Variants in SLC17A1 observed in about 807,000 individuals in gnomAD.
The protein encoded by SLC17A1 is sodium-dependent phosphate transport protein 1.
A neutral mutation model predicts 53.5 loss-of-function variants in SLC17A1; 51 were observed. That is an observed-to-expected ratio of 0.95 (90% CI 0.76 to 1.20). The LOEUF (loss-of-function observed/expected upper bound fraction) is 1.20, where lower values mean the gene tolerates loss of function less well. Ranked by LOEUF, SLC17A1 falls within the 50% of genes most tolerant of loss-of-function variation. SLC17A1 has a pLI of 0.00. For synonymous variants in SLC17A1, 179 were observed against 198.8 expected, an observed-to-expected ratio of 0.90 and a Z score of 0.84; for missense variants, 538 against 568.2, an observed-to-expected ratio of 0.95 and a Z score of 0.54.
At chr6:25,744,552 GTTAAA>G in the SLC17A1 span, among the ~76,000 whole-genome samples, 1 of 152,108 alleles carries the variant, frequency 6.6e-6, no homozygotes, top group African/African-American at 2.4e-5. Flanking sequence ...TAAAATTACA[GTTAAA>G]TTAAATTTAG....
chr6:25,723,781 C>T, the SLC17A1 span, among the ~76,000 whole-genome samples: 279 of 152,138 alleles, frequency 1.8e-3, 1 homozygote, highest in Non-Finnish European at 3.1e-3. Context: ...CTCGTCTGTG[C>T]GACAGAGGAA....
the SLC17A1 span, among the ~76,000 whole-genome samples, chr6:25,736,935 A>C: frequency 6.6e-6 from 1 of 152,188 alleles, no homozygotes; most frequent in East Asian, 1.9e-4. Context: ...AACCAACTTC[A>C]TCTTGCTAGA....
intron 10 of SLC17A1, among the ~76,000 whole-genome samples, chr6:25,805,273 G>A (rs1411795973): frequency 1.3e-5 from 2 of 151,876 alleles, no homozygotes; most frequent in African/African-American, 4.8e-5. Flanking sequence ...CCAAATACAT[G>A]GAAATTAATC....
At chr6:25,800,041 G>A (rs1464592695) in intron 11 of SLC17A1, among the ~76,000 whole-genome samples, 1 of 152,068 alleles carries the variant, frequency 6.6e-6, no homozygotes, top group East Asian at 1.9e-4. Flanking sequence ...GGGATAAGGA[G>A]CATTTGGAGG....
chr6:25,728,052 C>T, the SLC17A1 span, among the ~76,000 whole-genome samples: 1 of 152,096 alleles, frequency 6.6e-6, no homozygotes, highest in Non-Finnish European at 1.5e-5. Context: ...ATAAAAGCTA[C>T]ATGCTGATAC....
At chr6:25,755,523 A>C in the SLC17A1 span, among the ~76,000 whole-genome samples, 1 of 151,802 alleles carries the variant, frequency 6.6e-6, no homozygotes, top group Non-Finnish European at 1.5e-5. Context: ...TAGCAGAGGA[A>C]CAGGGTGCAT....
chr6:25,779,341 G>GCAT, downstream of SLC17A1: 1 of 1,053,374 alleles, frequency 9.5e-7, no homozygotes, highest in Non-Finnish European at 1.3e-6. Context: ...AATTTTACAG[G>GCAT]GGAAGAAAAC....
chr6:25,826,002 T>C (rs1383060290), intron 3 of SLC17A1, among the ~76,000 whole-genome samples: 1 of 152,100 alleles, frequency 6.6e-6, no homozygotes, highest in Non-Finnish European at 1.5e-5. Context: ...ATAGTTTCCA[T>C]CTCTTTACTG....
chr6:25,797,256 C>T (rs896169446), intron 12 of SLC17A1, among the ~76,000 whole-genome samples: 3 of 152,200 alleles, frequency 2.0e-5, no homozygotes, highest in Non-Finnish European at 4.4e-5. Context: ...TTTCCTCAGC[C>T]TGTATTCTCT....
chr6:25,820,278 C>T (rs1764508280), intron 3 of SLC17A1, among the ~76,000 whole-genome samples: 1 of 152,196 alleles, frequency 6.6e-6, no homozygotes, highest in Non-Finnish European at 1.5e-5. Context: ...CATAGTACTA[C>T]TCATACTGCA....
At chr6:25,813,061 C>T (rs1460265106) in intron 7 of SLC17A1, 34 bp downstream of exon 7, 1 of 1,611,404 alleles carries the variant, frequency 6.2e-7, no homozygotes, top group Admixed American at 1.7e-5. Context: ...GGAGTAGAAT[C>T]TGGGAGATGC....
At chr6:25,727,396 AG>A in the SLC17A1 span, 7 of 933,544 alleles carry the variant, frequency 7.5e-6, no homozygotes, top group South Asian at 2.2e-5. Flanking sequence ...TCTAACCGTA[AG>A]GGTTTTTTTT....
At chr6:25,766,134 T>C in the SLC17A1 span, among the ~76,000 whole-genome samples, 1 of 150,464 alleles carries the variant, frequency 6.6e-6, no homozygotes, top group Non-Finnish European at 1.5e-5. Flanking sequence ...TAAAATATAA[T>C]TGAATTATAA....
In SLC17A1 at chr6:25,813,520, A is replaced by G. The variant is rs577250366; in HGVS notation, c.617-307T>C. Reference sequence around the variant, plus strand: ...TCCTCATGTGTTCCACCATAAGAGGATGGCACAGCTGAGCCTGCACAGGGC... The same window carrying G: ...TCCTCATGTGTTCCACCATAAGAGGGTGGCACAGCTGAGCCTGCACAGGGC... On this transcript the variant is annotated intron_variant, in intron 6 of 12. Coordinates refer to ENST00000244527, the MANE Select transcript of SLC17A1 (RefSeq NM_005074.5). Among the ~76,000 whole-genome samples, 4 of 152,296 alleles carry G rather than the reference A, an allele frequency of 2.6e-5. No individual in the cohort carries two copies. The East Asian group carries it at 7.7e-4, about 29-fold the overall frequency.
the SLC17A1 span, among the ~76,000 whole-genome samples, chr6:25,725,938 GC>G: frequency 6.6e-6 from 1 of 152,154 alleles, no homozygotes; most frequent in East Asian, 1.9e-4. Context: ...CCGATGGAAC[GC>G]TCCTTGAAAA....
intron 3 of SLC17A1, among the ~76,000 whole-genome samples, chr6:25,821,733 C>A (rs540565375): frequency 3.2e-4 from 49 of 152,108 alleles, no homozygotes; most frequent in African/African-American, 1.2e-3. Context: ...CTACTCACAC[C>A]AGAAAGATAA....
At chr6:25,776,736 G>A in the SLC17A1 span, 4 of 1,613,844 alleles carry the variant, frequency 2.5e-6, no homozygotes, top group African/African-American at 1.3e-5. Context: ...TGGTAAGGGA[G>A]AGACTGGACA....
the SLC17A1 span, among the ~76,000 whole-genome samples, chr6:25,754,423 A>T: frequency 6.6e-6 from 1 of 152,162 alleles, no homozygotes; most frequent in Non-Finnish European, 1.5e-5. Context: ...CCCCATCTCC[A>T]TGAAGATTAT....
At chr6:25,745,776 T>C in the SLC17A1 span, among the ~76,000 whole-genome samples, 4 of 152,224 alleles carry the variant, frequency 2.6e-5, no homozygotes, top group South Asian at 8.3e-4. Context: ...CTCACAATAC[T>C]CTGATACAGT....
Sources: allele counts gnomAD v4.1 joint callset (sites outside exome capture counted in the v4.1 genomes callset), GRCh38; gene constraint gnomAD v4.1.1; transcripts MANE v1.5; gene names NCBI Gene and HGNC (gene_info 2026-07-23, HGNC 2026-07-21).